SLC41A2: variants seen among roughly 807,000 people sequenced by gnomAD.
The protein encoded by SLC41A2 is solute carrier family 41 member 2.
In SLC41A2, 32 loss-of-function variants were observed where a neutral mutation model predicts 58.3. The observed-to-expected ratio is 0.55, with a 90% CI of 0.41 to 0.74. The LOEUF is 0.74. SLC41A2 is among the 30% of genes least tolerant of loss of function. SLC41A2 has a pLI of 0.00. For missense variants in SLC41A2, 514 were observed against 680.6 expected, an observed-to-expected ratio of 0.76 and a Z score of 2.72; for synonymous variants, 190 against 235.0, an observed-to-expected ratio of 0.81 and a Z score of 1.75.
chr12:104,822,924 G>A (rs1255563037), intron 10 of SLC41A2, among the ~76,000 whole-genome samples: 1 of 151,994 alleles, frequency 6.6e-6, no homozygotes, highest in Non-Finnish European at 1.5e-5. Flanking sequence ...TTAAAGAAAG[G>A]GGCAAAGAAA....
rs529888237 is a variant in SLC41A2 at position 104,824,159 on chromosome 12, G to C, written c.1537-18822C>G. 2.6e-5 allele frequency among the ~76,000 whole-genome samples: 4 copies of C among 151,760 alleles called. No individual in the cohort carries two copies. In the South Asian group the frequency reaches 8.4e-4, roughly 32 times the overall value. On this transcript the variant is annotated intron_variant, in intron 10 of 10. Transcript: ENST00000258538. ...CCCGGGCCTGTGCCCATGGACCTAC[G>C]TGAAGACAGGCATTTTTTTTTCCCT...
intron 5 of SLC41A2, 84 bp downstream of exon 5, chr12:104,888,949 T>A: frequency 7.7e-7 from 1 of 1,303,140 alleles, no homozygotes; most frequent in Non-Finnish European, 1.0e-6. Context: ...ATAACAGGTA[T>A]CATTTAAATA....
chr12:104,907,091 C>T (rs1378656919), intron 3 of SLC41A2, among the ~76,000 whole-genome samples: 2 of 151,770 alleles, frequency 1.3e-5, no homozygotes, highest in Non-Finnish European at 2.9e-5. Context: ...CTAATGGATT[C>T]TTATTTTTTT....
chr12:104,898,318 C>T (rs912235010), intron 3 of SLC41A2, among the ~76,000 whole-genome samples: 1 of 152,012 alleles, frequency 6.6e-6, no homozygotes, highest in Non-Finnish European at 1.5e-5. Flanking sequence ...CATAAACAGA[C>T]GTTACTTATC....
chr12:104,860,737 C>G (rs1395138096), intron 8 of SLC41A2, among the ~76,000 whole-genome samples: 1 of 151,988 alleles, frequency 6.6e-6, no homozygotes, highest in African/African-American at 2.4e-5. Context: ...GCCACCACAT[C>G]TGGCTAATTT....
rs893897198 is a variant in SLC41A2 at position 104,898,563 on chromosome 12, A to G, written c.664-3218T>C. Among the ~76,000 whole-genome samples, 4 of 151,456 alleles carry G rather than the reference A, an allele frequency of 2.6e-5. No homozygotes were observed. In the South Asian group the frequency reaches 8.3e-4, roughly 31 times the overall value. ...TATGTGCAAAAAAAAAAAAAACTAT[A>G]TGTACATTTTTTTAAAAACCAGAAA... On this transcript the variant is annotated intron_variant, in intron 3 of 10. Coordinates refer to ENST00000258538, the MANE Select transcript of SLC41A2 (RefSeq NM_001352171.3).
intron 2 of SLC41A2, among the ~76,000 whole-genome samples, chr12:104,923,699 G>A (rs761043149): frequency 4.6e-5 from 7 of 151,974 alleles, no homozygotes; most frequent in Admixed American, 6.6e-5. Flanking sequence ...AACTATACAC[G>A]AACAAATTGG....
Position 104,803,142 on chromosome 12 carries a change from T to C in SLC41A2, c.*2010A>G, listed in dbSNP as rs1188256381. ...TTAAAAATGTAGCTTGCCCTGTATATTTTTTAAAAATCAAAATAGAAATCA... is the reference window on the plus strand; with the variant it reads ...TTAAAAATGTAGCTTGCCCTGTATACTTTTTAAAAATCAAAATAGAAATCA... On this transcript the variant is annotated 3_prime_UTR_variant, in exon 11 of 11. Transcript: ENST00000258538. 1 of 152,194 alleles carries C rather than the reference T, an allele frequency of 6.6e-6. No individual in the cohort carries two copies. Among genetic ancestry groups the C allele is most frequent in the East Asian group, 1.9e-4 (1 of 5,202 alleles). 9.4% of individuals were successfully genotyped at this position (152,194 alleles called of 1,614,324 possible).
At chr12:104,878,372 T>C (rs1048284606) in intron 6 of SLC41A2, among the ~76,000 whole-genome samples, 5 of 150,988 alleles carry the variant, frequency 3.3e-5, no homozygotes, top group African/African-American at 1.2e-4. Flanking sequence ...TGCAGGTTTG[T>C]TACATACGTA....
rs534186461 is a variant in SLC41A2 at position 104,866,842 on chromosome 12, TAAC to T, written c.1028-266_1028-264del. On this transcript the variant is annotated intron_variant, in intron 6 of 10. Coordinates refer to ENST00000258538, the MANE Select transcript of SLC41A2 (RefSeq NM_001352171.3). ...CTACATGAAAATAGCATAATAACAA[TAAC>T]AACAAGAACAGTAACAGTAAAAAAG... Among the ~76,000 whole-genome samples the T allele has an allele frequency of 6.2e-4, 95 of 152,098 alleles. No individual in the cohort carries two copies. The South Asian group carries it at 0.019, about 31-fold the overall frequency.
chr12:104,955,958 C>T (rs1453175067), intron 1 of SLC41A2, among the ~76,000 whole-genome samples: 1 of 152,162 alleles, frequency 6.6e-6, no homozygotes, highest in Non-Finnish European at 1.5e-5. Flanking sequence ...CAAGATTCTC[C>T]ACTTTACTGA....
chr12:104,877,857 G>A (rs756761267), intron 6 of SLC41A2, among the ~76,000 whole-genome samples: 8 of 151,786 alleles, frequency 5.3e-5, no homozygotes, highest in African/African-American at 9.7e-5. Context: ...AAAATTAGCC[G>A]GGCATGGTAG....
intron 10 of SLC41A2, among the ~76,000 whole-genome samples, chr12:104,835,650 T>C (rs2042184047): frequency 1.3e-5 from 2 of 152,342 alleles, no homozygotes; most frequent in South Asian, 2.1e-4. Context: ...GAGATATTTA[T>C]GTGCTTGGAA....
At chr12:104,853,586 C>T (rs778009525) in intron 8 of SLC41A2, among the ~76,000 whole-genome samples, 6 of 152,260 alleles carry the variant, frequency 3.9e-5, no homozygotes, top group Non-Finnish European at 7.4e-5. Flanking sequence ...ATTTACCTCC[C>T]TAGTCCCTAA....
At chr12:104,877,044 C>A (rs1211016616) in intron 6 of SLC41A2, among the ~76,000 whole-genome samples, 1 of 152,138 alleles carries the variant, frequency 6.6e-6, no homozygotes, top group Non-Finnish European at 1.5e-5. Flanking sequence ...ATGTCCAGTT[C>A]TTTGAGCACT....
intron 8 of SLC41A2, among the ~76,000 whole-genome samples, chr12:104,853,915 T>TATTATTATTA (rs1565842625): frequency 5.6e-5 from 7 of 125,022 alleles, no homozygotes; most frequent in African/African-American, 1.9e-4. Flanking sequence ...TGGCTGATTT[T>TATTATTATTA]TTTTTTTTTT....
chr12:104,860,042 T>G (rs1347763331), intron 8 of SLC41A2, among the ~76,000 whole-genome samples: 2 of 152,174 alleles, frequency 1.3e-5, no homozygotes, highest in Non-Finnish European at 2.9e-5. Flanking sequence ...CGTGCCCAAC[T>G]GACATATTTT....
rs139879758 is a variant in SLC41A2, at chr12:104,813,797, G to A, written c.1537-8460C>T. ...ACTACAGGTGCGCACCACCACACCCGGCTAATTTTTGTATTTTTCATAGAC... is the reference window on the plus strand; with the variant it reads ...ACTACAGGTGCGCACCACCACACCCAGCTAATTTTTGTATTTTTCATAGAC... On this transcript the variant is annotated intron_variant, in intron 10 of 10. Transcript: ENST00000258538. Among the ~76,000 whole-genome samples the A allele has an allele frequency of 3.1e-3, 476 of 152,004 alleles. 3 individuals are homozygous for A. The highest frequency in any genetic ancestry group is 0.011 in the African/African-American group (440 of 41,458).
At position 104,805,118 on chromosome 12, in the gene SLC41A2, T is replaced by C; in HGVS notation, c.*34A>G. On this transcript the variant is annotated 3_prime_UTR_variant, in exon 11 of 11. Coordinates refer to ENST00000258538, the MANE Select transcript of SLC41A2 (RefSeq NM_001352171.3). The stretch of plus-strand genomic sequence containing the variant: ...CATAAGTGGTTGTCGTGTATTTTCT[T>C]CCTTGGTAACTTGAGAGCAGTTTGT... The C allele has an allele frequency of 6.5e-7, 1 of 1,536,342 alleles. No homozygotes were observed. Among genetic ancestry groups the C allele is most frequent in the Non-Finnish European group, 8.8e-7 (1 of 1,137,964 alleles).
Sources: allele counts gnomAD v4.1 joint callset (sites outside exome capture counted in the v4.1 genomes callset), GRCh38; gene constraint gnomAD v4.1.1; transcripts MANE v1.5; gene names NCBI Gene and HGNC (gene_info 2026-07-23, HGNC 2026-07-21).